The following DOCK9 variants were observed in gnomAD, a reference collection of about 807,000 sequenced individuals.
DOCK9 encodes dedicator of cytokinesis protein 9.
Under a neutral mutation model 263.3 loss-of-function variants are expected in DOCK9, and 89 were observed. The observed-to-expected ratio is 0.34, with a 90% CI of 0.28 to 0.40. The LOEUF (loss-of-function observed/expected upper bound fraction) is 0.40. Among genes scored for constraint, DOCK9 ranks in the 10% least tolerant of loss-of-function variants. The pLI, the probability that DOCK9 is intolerant of heterozygous loss-of-function variation, is 1.00. For synonymous variants in DOCK9, 976 were observed against 973.1 expected, an observed-to-expected ratio of 1.00 and a Z score of -0.06; for missense variants, 2,140 against 2,603.4, an observed-to-expected ratio of 0.82 and a Z score of 3.87.
At chr13:99,013,045 C>A (rs983444781) in intron 1 of DOCK9, among the ~76,000 whole-genome samples, 6 of 152,174 alleles carry the variant, frequency 3.9e-5, no homozygotes, top group South Asian at 2.1e-4. Context: ...AGGCACTGTT[C>A]TAGCTGTTAG....
In DOCK9 at chr13:98,999,316, A is replaced by ACACACACTCTCTCTCT; in HGVS notation, c.130-43766_130-43765insAGAGAGAGAGTGTGTG. 7.2e-3 allele frequency among the ~76,000 whole-genome samples: 1,000 copies of ACACACACTCTCTCTCT among 138,328 alleles called. 13 individuals are homozygous for ACACACACTCTCTCTCT. The highest frequency in any genetic ancestry group is 0.026 in the African/African-American group (912 of 35,508). The allele number at this position is 138,328 out of a possible 152,430, so 90.7% of individuals were successfully genotyped here. ...CACACACACACACACACACACACAC[A>ACACACACTCTCTCTCT]CTCTCTCTCTCTCTCTCTCTGGAAG... On this transcript the variant is annotated intron_variant, in intron 1 of 32. Transcript: ENST00000427887.
In DOCK9 at chr13:98,904,334, C is replaced by A. The variant is rs141172544; in HGVS notation, c.1035+298G>T. On this transcript the variant is annotated intron_variant, in intron 10 of 52. Transcript: ENST00000682017. Reference sequence around the variant, plus strand: ...GACTCCCAGGCAACTGCAGTGATACCTGTTGTTTTCTGATGGTTATTTTAA... The same window carrying A: ...GACTCCCAGGCAACTGCAGTGATACATGTTGTTTTCTGATGGTTATTTTAA... Among the ~76,000 whole-genome samples, 85 of 152,298 alleles carry A rather than the reference C, an allele frequency of 5.6e-4. 1 individual carries two copies. The highest frequency in any genetic ancestry group is 1.9e-3 in the African/African-American group (78 of 41,570).
intron 45 of DOCK9, among the ~76,000 whole-genome samples, chr13:98,819,256 G>T (rs1017250251): frequency 3.9e-5 from 6 of 152,326 alleles, no homozygotes; most frequent in African/African-American, 1.2e-4. Context: ...GAAAGCTTGA[G>T]GATTCTTGCA....
intron 38 of DOCK9, among the ~76,000 whole-genome samples, chr13:98,839,550 T>A (rs1433047301): frequency 6.6e-6 from 1 of 152,244 alleles, no homozygotes; most frequent in Non-Finnish European, 1.5e-5. Context: ...TTGCCCCGAA[T>A]GAGTTTTTGT....
In DOCK9 at chr13:98,845,908, A is replaced by C; in HGVS notation, c.4198+16T>G. ...TGAGATGGCTGGCTGTTACGATGGCATGTCATGGGACTTACTGTGGTTAAA... is the reference window on the plus strand; with the variant it reads ...TGAGATGGCTGGCTGTTACGATGGCCTGTCATGGGACTTACTGTGGTTAAA... On this transcript the variant is annotated intron_variant, in intron 38 of 52. Transcript: ENST00000682017. The C allele has an allele frequency of 2.5e-6, 4 of 1,612,416 alleles. No individual in the cohort carries two copies. Among genetic ancestry groups the C allele is most frequent in the Non-Finnish European group, 3.4e-6 (4 of 1,179,236 alleles).
chr13:99,022,265 C>G (rs892036140), intron 1 of DOCK9, among the ~76,000 whole-genome samples: 1 of 152,156 alleles, frequency 6.6e-6, no homozygotes, highest in Non-Finnish European at 1.5e-5. Context: ...GAGCTCAAGG[C>G]TGTACTCCTT....
chr13:99,024,828 G>C (rs1886529619), intron 1 of DOCK9, among the ~76,000 whole-genome samples: 1 of 152,084 alleles, frequency 6.6e-6, no homozygotes, highest in Non-Finnish European at 1.5e-5. Context: ...TTTCAAAATA[G>C]TCCTATTTTT....
At chr13:98,901,430 T>G (rs547284419) in intron 13 of DOCK9, among the ~76,000 whole-genome samples, 3 of 152,160 alleles carry the variant, frequency 2.0e-5, no homozygotes, top group African/African-American at 7.2e-5. Context: ...TGGACCAAAA[T>G]AGAATTTCAG....
chr13:98,823,701 A>C (rs2092398766), intron 45 of DOCK9, among the ~76,000 whole-genome samples: 1 of 152,246 alleles, frequency 6.6e-6, no homozygotes, highest in African/African-American at 2.4e-5. Context: ...GAATGAGTGA[A>C]TGCCAGCAGA....
At chr13:98,812,170 G>T (rs1594238899) in intron 45 of DOCK9, among the ~76,000 whole-genome samples, 1 of 127,288 alleles carries the variant, frequency 7.9e-6, no homozygotes, top group African/African-American at 3.1e-5. Context: ...ACACTTTAAT[G>T]GGTTTTTTTT....
chr13:98,991,729 G>T (rs1879853987), intron 1 of DOCK9, among the ~76,000 whole-genome samples: 1 of 151,726 alleles, frequency 6.6e-6, no homozygotes, highest in Admixed American at 6.6e-5. Flanking sequence ...AGTGGAAAGT[G>T]TTGGACTAGG....
At chr13:99,023,497 G>A (rs1166787130) in intron 1 of DOCK9, among the ~76,000 whole-genome samples, 1 of 152,226 alleles carries the variant, frequency 6.6e-6, no homozygotes, top group East Asian at 1.9e-4. Flanking sequence ...AGGGGTTAGT[G>A]TTTAATGGGG....
intron 45 of DOCK9, among the ~76,000 whole-genome samples, chr13:98,816,462 G>A (rs2091862206): frequency 6.6e-6 from 1 of 152,094 alleles, no homozygotes. Flanking sequence ...AGTAGTCAGT[G>A]AGTCCCTGGG....
intron 27 of DOCK9, among the ~76,000 whole-genome samples, chr13:98,876,686 C>T (rs1220219915): frequency 6.6e-6 from 1 of 152,090 alleles, no homozygotes; most frequent in Non-Finnish European, 1.5e-5. Flanking sequence ...AAACAGAAAA[C>T]TCATTACTCT....
chr13:99,086,454 T>C, exon 1 of DOCK9: 4 of 772,066 alleles, frequency 5.2e-6, no homozygotes, highest in Non-Finnish European at 6.3e-6. Flanking sequence ...CGCCCGCCGC[T>C]CCCGGCGCCG....
chr13:98,968,924 G>A (rs1382077357), intron 1 of DOCK9, among the ~76,000 whole-genome samples: 1 of 152,208 alleles, frequency 6.6e-6, no homozygotes, highest in African/African-American at 2.4e-5. Flanking sequence ...TTCTCTGCCT[G>A]TATCTTGTGG....
chr13:98,925,346 T>A (rs1456792358), intron 4 of DOCK9, among the ~76,000 whole-genome samples: 1 of 151,818 alleles, frequency 6.6e-6, no homozygotes, highest in Non-Finnish European at 1.5e-5. Context: ...TTGCTTTTGG[T>A]ATAGTCTAGA....
chr13:99,070,495 C>A (rs1303793635), intron 1 of DOCK9, among the ~76,000 whole-genome samples: 1 of 152,124 alleles, frequency 6.6e-6, no homozygotes, highest in Non-Finnish European at 1.5e-5. Flanking sequence ...GTTATAAATT[C>A]TCCGCAAGCA....
In DOCK9 at chr13:99,086,209, C is replaced by A. The variant is rs371516634; in HGVS notation, c.129+14G>T. On this transcript the variant is annotated intron_variant, in intron 1 of 32. Coordinates refer to the DOCK9 transcript ENST00000427887. Reference sequence around the variant, plus strand: ...CCGCCATCCTCCCCCGGCCCGCGGTCGTCCCGCACTCACCAGGAGCACGGA... The same window carrying A: ...CCGCCATCCTCCCCCGGCCCGCGGTAGTCCCGCACTCACCAGGAGCACGGA... 2.4e-5 allele frequency: 36 copies of A among 1,485,922 alleles called. No homozygotes were observed. The East Asian group carries it at 3.2e-4, about 13-fold the overall frequency. 92.0% of individuals were successfully genotyped at this position (1,485,922 alleles called of 1,614,324 possible).
Sources: allele counts gnomAD v4.1 joint callset (sites outside exome capture counted in the v4.1 genomes callset), GRCh38; gene constraint gnomAD v4.1.1; transcripts MANE v1.5; gene names NCBI Gene and HGNC (gene_info 2026-07-23, HGNC 2026-07-21).